IL2: variants seen among roughly 807,000 people sequenced by gnomAD.
The protein encoded by IL2 is interleukin 2.
IL2 carries 3 observed loss-of-function variants against 14.6 expected under a neutral mutation model. The ratio of observed to expected loss-of-function variants is 0.21; its 90% CI spans 0.09 to 0.53. IL2 has a LOEUF of 0.53. IL2 is among the 20% of genes least tolerant of loss of function. The pLI is 0.95. For missense variants in IL2, 125 were observed against 170.8 expected (o/e 0.73, Z 1.50); for synonymous variants, 71 against 60.0 (o/e 1.18, Z -0.85).
In IL2 at chr4:122,456,410, C is replaced by T. The variant is rs1285871005; in HGVS notation, c.31G>A (p.Ala11Thr). The change falls in exon 1 of 4, where the codon GCA becomes ACA. Residue 11 changes from alanine (A) to threonine (T), a missense_variant. Ala to Thr is a moderately conservative substitution (Grantham distance 58). Transcript: ENST00000226730. MYRMQLLSCIALSLALVTNSA... is the reference protein window; with the variant it reads MYRMQLLSCITLSLALVTNSA... Reference sequence around the variant, plus strand: ...TTTGTGACAAGTGCAAGACTTAGTGCAATGCAAGACAGGAGTTGCATCCTG... The same window carrying T: ...TTTGTGACAAGTGCAAGACTTAGTGTAATGCAAGACAGGAGTTGCATCCTG... 1 of 1,611,906 alleles carries T rather than the reference C, an allele frequency of 6.2e-7. No individual in the cohort carries two copies. The highest frequency in any genetic ancestry group is 8.5e-7 in the Non-Finnish European group (1 of 1,178,620).
chr4:122,453,959 C>G (rs759670594), intron 2 of IL2, 106 bp from the exon 3 acceptor site: 3 of 990,178 alleles, frequency 3.0e-6, no homozygotes. Flanking sequence ...TTACCATTCT[C>G]TCTGTTCTCA....
intron 2 of IL2, among the ~76,000 whole-genome samples, chr4:122,455,786 G>T (rs1471474616): frequency 6.6e-6 from 1 of 151,794 alleles, no homozygotes; most frequent in Non-Finnish European, 1.5e-5. Context: ...TTAAAAGTGG[G>T]CTCCTTGGAA....
chr4:122,453,676 T>A, intron 3 of IL2, 34 bp downstream of exon 3: 1 of 1,533,228 alleles, frequency 6.5e-7, no homozygotes, highest in South Asian at 1.2e-5. Flanking sequence ...TTTTTTTTTT[T>A]ATTTCCAGGA....
At chr4:122,456,050 C>A in intron 2 of IL2, 94 bp downstream of exon 2, 1 of 862,634 alleles carries the variant, frequency 1.2e-6, no homozygotes, top group Non-Finnish European at 1.9e-6. Context: ...TACTCTTTAC[C>A]TCAGATGAGC....
In IL2 at chr4:122,453,756, G is replaced by A. The variant is rs1797699831; in HGVS notation, c.305C>T (p.Pro102Leu). ...LAQSKNFHLR[P>L]RDLISNINVI... ...GTTGATATTGCTGATTAAGTCCCTG[G>A]GTCTTAAGTGAAAGTTTTTGCTTTG... Residue 102 changes from proline to leucine, a missense_variant, in exon 3 of 4, where the codon CCC becomes CTC. Transcript: ENST00000226730. The A allele has an allele frequency of 3.1e-6, 5 of 1,610,972 alleles. No individual in the cohort carries two copies. The highest frequency in any genetic ancestry group is 4.2e-6 in the Non-Finnish European group (5 of 1,178,108).
chr4:122,452,781 A>G (rs977686804), intron 3 of IL2, among the ~76,000 whole-genome samples: 4 of 152,008 alleles, frequency 2.6e-5, no homozygotes, highest in Non-Finnish European at 5.9e-5. Flanking sequence ...TTTATTTTAA[A>G]AAGTGTTTGG....
Position 122,456,377 on chromosome 4 carries a change from G to T in IL2, c.64C>A (p.Pro22Thr). 2 of 1,611,358 alleles carry T rather than the reference G, an allele frequency of 1.2e-6. No homozygotes were observed. The highest frequency in any genetic ancestry group is 1.3e-5 in the African/African-American group (1 of 74,910). The change falls in exon 1 of 4, where the codon CCT becomes ACT. Residue 22 changes from proline (P) to threonine (T), a missense_variant. Physicochemically the swap from Pro to Thr is conservative, Grantham distance 38 (BLOSUM62 -1). Transcript: ENST00000226730. Reference sequence around the variant, plus strand: ...GTTTTCTTTGTAGAACTTGAAGTAGGTGCACTGTTTGTGACAAGTGCAAGA... The same window carrying T: ...GTTTTCTTTGTAGAACTTGAAGTAGTTGCACTGTTTGTGACAAGTGCAAGA... Reference protein sequence around the residue: ...LSLALVTNSAPTSSSTKKTQL... With the variant: ...LSLALVTNSATTSSSTKKTQL...
chr4:122,456,111 A>G, intron 2 of IL2, 33 bp downstream of exon 2: 7 of 1,479,524 alleles, frequency 4.7e-6, no homozygotes, highest in Non-Finnish European at 4.7e-6. Flanking sequence ...AATTTTATTA[A>G]AACAGAAATT....
At chr4:122,451,895 C>A (rs768819078) in intron 3 of IL2, 33 bp from the exon 4 acceptor site, 4 of 1,215,454 alleles carry the variant, frequency 3.3e-6, no homozygotes, top group East Asian at 2.6e-5. Context: ...TTTTAAAGTA[C>A]AGAGTAGTTT....
chr4:122,455,854 A>G (rs762278072), intron 2 of IL2, among the ~76,000 whole-genome samples: 79 of 151,918 alleles, frequency 5.2e-4, no homozygotes, highest in Non-Finnish European at 1.1e-3. Context: ...AGAGTTTTAC[A>G]TTTTTAAATG....
chr4:122,454,896 G>A (rs1332577108), intron 2 of IL2, among the ~76,000 whole-genome samples: 1 of 151,646 alleles, frequency 6.6e-6, no homozygotes, highest in Admixed American at 6.6e-5. Flanking sequence ...CTCTTTAGTG[G>A]GAAAGGTAGG....
chr4:122,453,230 G>C (rs1349791146), intron 3 of IL2, among the ~76,000 whole-genome samples: 1 of 151,394 alleles, frequency 6.6e-6, no homozygotes, highest in Non-Finnish European at 1.5e-5. Context: ...TGTTTGTTTA[G>C]TCCACTGGCC....
rs1204187817 is a variant in IL2 at position 122,456,656 on chromosome 4, C to A, written c.-216G>T. ...ATGACTCTTTGGAATTTCTTTAAAC[C>A]CCCAAAGACTGACTGAATGGATGTA... is the stretch of plus-strand genomic sequence containing the variant. On this transcript the variant is annotated 5_prime_UTR_variant, in exon 1 of 4. Transcript: ENST00000226730. The A allele has an allele frequency of 4.6e-6, 2 of 432,924 alleles. No homozygotes were observed. The highest frequency in any genetic ancestry group is 8.2e-6 in the Non-Finnish European group (2 of 244,008). The allele number at this position is 432,924 out of a possible 1,614,324, so 26.8% of individuals were successfully genotyped here. A position where few individuals can be genotyped will look rare whatever the true frequency, so the allele number is the denominator to read the frequency against.
intron 2 of IL2, among the ~76,000 whole-genome samples, chr4:122,455,261 C>T (rs148715165): frequency 1.3e-5 from 2 of 151,916 alleles, no homozygotes; most frequent in East Asian, 3.9e-4. Flanking sequence ...AGATTTTGTT[C>T]ATTCTCTCTT....
intron 2 of IL2, among the ~76,000 whole-genome samples, chr4:122,455,249 C>G (rs552353686): frequency 1.3e-5 from 2 of 151,864 alleles, no homozygotes; most frequent in African/African-American, 4.8e-5. Flanking sequence ...CTTTCTGGCA[C>G]CAGATTTTGT....
intron 2 of IL2, among the ~76,000 whole-genome samples, chr4:122,455,871 TA>T (rs1480340560): frequency 6.6e-6 from 1 of 151,956 alleles, no homozygotes; most frequent in Non-Finnish European, 1.5e-5. Context: ...AATGAAACCA[TA>T]AATGAACATT....
Position 122,456,183 on chromosome 4 carries a change from G to A in IL2, c.168C>T (p.Leu56=). 1 of 1,608,970 alleles carries A rather than the reference G, an allele frequency of 6.2e-7. No homozygotes were observed. The highest frequency in any genetic ancestry group is 8.5e-7 in the Non-Finnish European group (1 of 1,176,090). ...AAAACTTAAATGTGAGCATCCTGGT[G>A]AGTTTGGGATTCTTGTAATTCTAAG... ...NGINNYKNPK[L]TRMLTFKFYM... is the part of the protein sequence containing the mutation. The change falls in exon 2 of 4, where the codon CTC becomes CTT. Residue 56 remains leucine (L), a synonymous_variant. Transcript: ENST00000226730.
In IL2 at chr4:122,454,589, C is replaced by T. The variant is rs971292659; in HGVS notation, c.208-736G>A. Among the ~76,000 whole-genome samples the T allele has an allele frequency of 2.0e-5, 3 of 151,728 alleles. No homozygotes were observed. In the East Asian group the frequency reaches 5.8e-4, roughly 29 times the overall value. ...AGGCCCATTTACTTCTCACAGTCAT[C>T]TTTTGAAGTAGGCAGTGAAGTATCA... On this transcript the variant is annotated intron_variant, in intron 2 of 3. Transcript: ENST00000226730.
chr4:122,453,680 TCCAG>T, intron 3 of IL2, 26 bp downstream of exon 3: 2 of 1,557,226 alleles, frequency 1.3e-6, no homozygotes, highest in Admixed American at 2.0e-5. Flanking sequence ...TTTTTTTATT[TCCAG>T]GAGAGCAAAT....
Sources: gnomAD v4.1 joint callset for allele counts (sites outside exome capture counted in the v4.1 genomes callset) on GRCh38, gnomAD v4.1.1 for gene constraint, MANE v1.5 for transcripts, NCBI Gene and HGNC (gene_info 2026-07-23, HGNC 2026-07-21) for gene names.